Variants in XIRP2 observed in about 807,000 individuals in gnomAD.
XIRP2 encodes the protein xin actin-binding repeat-containing protein 2.
A neutral mutation model predicts 277.0 loss-of-function variants in XIRP2; 236 were observed. The ratio of observed to expected loss-of-function variants is 0.85; its 90% CI spans 0.77 to 0.95. The LOEUF (loss-of-function observed/expected upper bound fraction) is 0.95. Among genes scored for constraint, XIRP2 ranks in the 40% least tolerant of loss-of-function variants. The pLI, the probability that XIRP2 is intolerant of heterozygous loss-of-function variation, is 0.00. For missense variants in XIRP2, 4,640 were observed against 4,157.5 expected (o/e 1.12, Z -3.19); for synonymous variants, 1,490 against 1,416.5 (o/e 1.05, Z -1.17).
chr2:167,211,328 C>G lies in XIRP2; in HGVS notation c.723+433C>G, dbSNP rs551971135. On this transcript the variant is annotated intron_variant, in intron 4 of 10. Coordinates refer to ENST00000409195, the MANE Select transcript of XIRP2 (RefSeq NM_152381.6). ...GCCAGGATGGTATCGATCTCTTGAC[C>G]TCGTGATCCGCCCGCATCAGCCTCC... Among the ~76,000 whole-genome samples, 3 of 152,168 alleles carry G rather than the reference C, an allele frequency of 2.0e-5. No homozygotes were observed. The South Asian group carries it at 6.2e-4, about 32-fold the overall frequency.
chr2:167,013,217 A>G (rs552185700), intron 2 of XIRP2, among the ~76,000 whole-genome samples: 1 of 151,320 alleles, frequency 6.6e-6, no homozygotes, highest in African/African-American at 2.4e-5. Flanking sequence ...AAGGACTTTC[A>G]TGCAAATATA....
chr2:166,895,811 AT>A lies in XIRP2; in HGVS notation c.-19+7255del, dbSNP rs1684226681. On this transcript the variant is annotated intron_variant, in intron 1 of 10. Coordinates refer to ENST00000409195, the MANE Select transcript of XIRP2 (RefSeq NM_152381.6). ...CAGCTTGTTATGTGGTCTTTAAGAG[AT>A]GCCAGCTAATTTTTAATAGAATACA... is the stretch of plus-strand genomic sequence containing the variant. Among the ~76,000 whole-genome samples, 6 of 152,266 alleles carry A rather than the reference AT, an allele frequency of 3.9e-5. No individual in the cohort carries two copies. The South Asian group carries it at 1.2e-3, about 32-fold the overall frequency.
intron 2 of XIRP2, among the ~76,000 whole-genome samples, chr2:166,926,629 T>G (rs1037751416): frequency 1.3e-5 from 2 of 152,148 alleles, no homozygotes; most frequent in Admixed American, 6.6e-5. Context: ...TTTGACAGAT[T>G]TGAGTCACTT....
intron 2 of XIRP2, among the ~76,000 whole-genome samples, chr2:166,979,197 T>G (rs986664173): frequency 6.6e-6 from 1 of 152,076 alleles, no homozygotes; most frequent in African/African-American, 2.4e-5. Flanking sequence ...CAAATATCAG[T>G]ATTATCTTTG....
intron 10 of XIRP2, among the ~76,000 whole-genome samples, chr2:167,256,261 T>A (rs756996069): frequency 2.0e-4 from 30 of 151,618 alleles, no homozygotes; most frequent in Non-Finnish European, 3.1e-4. Context: ...GAATGTTTTT[T>A]GCCTATTTTT....
intron 2 of XIRP2, among the ~76,000 whole-genome samples, chr2:166,936,333 T>C (rs1011735346): frequency 1.2e-4 from 19 of 152,208 alleles, no homozygotes; most frequent in Non-Finnish European, 2.2e-4. Context: ...GATGAGTAGA[T>C]TGCAAAAATT....
intron 5 of XIRP2, among the ~76,000 whole-genome samples, chr2:167,224,209 C>T (rs1409461874): frequency 1.3e-5 from 2 of 151,962 alleles, no homozygotes; most frequent in South Asian, 2.1e-4. Context: ...GAGTTCTCAC[C>T]TCCCAATACT....
chr2:166,955,659 T>A (rs1686142618), intron 2 of XIRP2, among the ~76,000 whole-genome samples: 1 of 151,906 alleles, frequency 6.6e-6, no homozygotes, highest in Non-Finnish European at 1.5e-5. Flanking sequence ...ATACAACTTA[T>A]GATATAGAGT....
chr2:167,039,555 G>A (rs146903946), intron 2 of XIRP2, among the ~76,000 whole-genome samples: 95 of 152,220 alleles, frequency 6.2e-4, no homozygotes, highest in Non-Finnish European at 1.0e-3. Flanking sequence ...AGATAGAGCC[G>A]TATGAATGAG....
At chr2:166,890,448 A>T (rs147523465) in intron 1 of XIRP2, among the ~76,000 whole-genome samples, 4 of 152,292 alleles carry the variant, frequency 2.6e-5, no homozygotes, top group Admixed American at 6.5e-5. Flanking sequence ...AGTGCTAAGG[A>T]CATCTCAGAT....
At position 167,241,877 on chromosome 2, in the gene XIRP2, C is replaced by T; in HGVS notation, c.1143C>T (p.Asp381=). 6.2e-7 allele frequency: 1 copy of T among 1,613,168 alleles called. No homozygotes were observed. Among genetic ancestry groups the T allele is most frequent in the Non-Finnish European group, 8.5e-7 (1 of 1,179,570 alleles). ...KSAQEKILYS[D]KEMTTPAKQI... ...CCCAGGAAAAGATCCTTTATTCTGA[C>T]AAAGAGATGACAACCCCAGCCAAGC... Residue 381 remains aspartate, a synonymous_variant, in exon 8 of 11, where the codon GAC becomes GAT. Coordinates refer to ENST00000409195, the MANE Select transcript of XIRP2 (RefSeq NM_152381.6).
intron 2 of XIRP2, among the ~76,000 whole-genome samples, chr2:167,129,078 A>C (rs2105311772): frequency 6.6e-6 from 1 of 152,294 alleles, no homozygotes; most frequent in Admixed American, 6.5e-5. Context: ...CTTCTGAAAA[A>C]ATAAAAATAA....
Position 167,155,138 on chromosome 2 carries a change from T to A in XIRP2, c.562+19076T>A, listed in dbSNP as rs996810816. Reference sequence around the variant, plus strand: ...CAACCAAAAAGACTCCAGGACCAGATGGATTCACAGCCGAATTCTACCAGA... The same window carrying A: ...CAACCAAAAAGACTCCAGGACCAGAAGGATTCACAGCCGAATTCTACCAGA... On this transcript the variant is annotated intron_variant, in intron 3 of 10. Transcript: ENST00000409195. Among the ~76,000 whole-genome samples the A allele has an allele frequency of 2.7e-5, 4 of 150,148 alleles. 1 individual carries two copies. Among genetic ancestry groups the A allele is most frequent in the African/African-American group, 9.9e-5 (4 of 40,498 alleles).
In XIRP2 at chr2:167,069,648, G is replaced by A. The variant is rs576675693; in HGVS notation, c.409-66261G>A. 3.9e-5 allele frequency among the ~76,000 whole-genome samples: 6 copies of A among 152,140 alleles called. 1 individual carries two copies. Among genetic ancestry groups the A allele is most frequent in the African/African-American group, 1.2e-4 (5 of 41,522 alleles). Reference sequence around the variant, plus strand: ...CCCAAGCCCCTGCTGCCCCGACCCCGACCCTCTCCTACCACAGAAACACAA... The same window carrying A: ...CCCAAGCCCCTGCTGCCCCGACCCCAACCCTCTCCTACCACAGAAACACAA... On this transcript the variant is annotated intron_variant, in intron 2 of 10. Coordinates refer to ENST00000409195, the MANE Select transcript of XIRP2 (RefSeq NM_152381.6).
intron 2 of XIRP2, among the ~76,000 whole-genome samples, chr2:167,093,832 A>G (rs1281452239): frequency 6.6e-6 from 1 of 152,164 alleles, no homozygotes; most frequent in Non-Finnish European, 1.5e-5. Context: ...GTATATACCC[A>G]GTAATGGGAT....
At chr2:167,226,764 G>C (rs1312918887) in intron 5 of XIRP2, among the ~76,000 whole-genome samples, 2 of 152,058 alleles carry the variant, frequency 1.3e-5, no homozygotes, top group African/African-American at 4.8e-5. Flanking sequence ...AGAGTTCTCT[G>C]TCTGTAGGTT....
chr2:167,079,160 G>T (rs1040208075), intron 2 of XIRP2, among the ~76,000 whole-genome samples: 7 of 152,114 alleles, frequency 4.6e-5, no homozygotes, highest in African/African-American at 1.7e-4. Flanking sequence ...TGAATCACAC[G>T]TATTGATTTG....
intron 2 of XIRP2, among the ~76,000 whole-genome samples, chr2:167,091,080 G>A (rs1690133494): frequency 6.6e-6 from 1 of 152,276 alleles, no homozygotes; most frequent in South Asian, 2.1e-4. Context: ...CTAATGAGAA[G>A]TTAACTGTCA....
In XIRP2 at chr2:167,153,685, T is replaced by C. The variant is rs1322770468; in HGVS notation, c.562+17623T>C. On this transcript the variant is annotated intron_variant, in intron 3 of 10. Transcript: ENST00000409195. ...TTGGTTTTTTGTTCTTGCGATAGTTTACTGAGAATGATGATTTCCAATTTC... is the reference window on the plus strand; with the variant it reads ...TTGGTTTTTTGTTCTTGCGATAGTTCACTGAGAATGATGATTTCCAATTTC... Among the ~76,000 whole-genome samples the C allele has an allele frequency of 2.0e-5, 3 of 151,994 alleles. No homozygotes were observed. The East Asian group carries it at 5.8e-4, about 29-fold the overall frequency.
Sources: gnomAD v4.1 joint callset for allele counts (sites outside exome capture counted in the v4.1 genomes callset) on GRCh38, gnomAD v4.1.1 for gene constraint, MANE v1.5 for transcripts, NCBI Gene and HGNC (gene_info 2026-07-23, HGNC 2026-07-21) for gene names.